Variants in SLC45A4 observed in about 807,000 individuals in gnomAD.
The protein encoded by SLC45A4 is solute carrier family 45 member 4.
A neutral mutation model predicts 63.7 loss-of-function variants in SLC45A4; 32 were observed. The observed-to-expected ratio is 0.50, with a 90% CI of 0.38 to 0.67. SLC45A4 has a LOEUF of 0.67. SLC45A4 is among the 30% of genes least tolerant of loss of function. The pLI, the probability that SLC45A4 is intolerant of heterozygous loss-of-function variation, is 0.00. For synonymous variants in SLC45A4, 535 were observed against 510.0 expected (o/e 1.05, Z -0.66); for missense variants, 1,027 against 1,157.7 (o/e 0.89, Z 1.64).
intron 2 of SLC45A4, chr8:141,252,682 CGTCTGTG>C (rs1828539673): frequency 9.8e-6 from 1 of 101,910 alleles, no homozygotes; most frequent in African/African-American, 4.1e-5. Context: ...CCCACCTGTG[CGTCTGTG>C]AATTTCCGTG....
Position 141,211,416 on chromosome 8 carries a change from G to A in SLC45A4, c.*156C>T. On this transcript the variant is annotated 3_prime_UTR_variant, in exon 9 of 9. Transcript: ENST00000517878. ...GTGGTGCCCAGCCCATCCCTGGGCA[G>A]GGTGTCTGGGAGCCACCCCTGCAAA... is the stretch of plus-strand genomic sequence containing the variant. The A allele has an allele frequency of 1.3e-6, 2 of 1,547,064 alleles. No homozygotes were observed. Among genetic ancestry groups the A allele is most frequent in the Non-Finnish European group, 1.7e-6 (2 of 1,148,630 alleles).
intron 1 of SLC45A4, among the ~76,000 whole-genome samples, chr8:141,294,133 A>G (rs13253346): frequency 0.95 from 145,041 of 152,142 alleles, 69,543 homozygotes; most frequent in Middle Eastern, 1. Context: ...GGATCTCTGT[A>G]GACCAGGGTC....
At chr8:141,239,609 C>A (rs1250190233) in intron 2 of SLC45A4, among the ~76,000 whole-genome samples, 1 of 152,212 alleles carries the variant, frequency 6.6e-6, no homozygotes, top group African/African-American at 2.4e-5. Context: ...CGCACGCACA[C>A]ACACAGCATC....
At chr8:141,297,670 G>A (rs1830608159) in intron 1 of SLC45A4, among the ~76,000 whole-genome samples, 1 of 152,248 alleles carries the variant, frequency 6.6e-6, no homozygotes, top group Non-Finnish European at 1.5e-5. Flanking sequence ...AGCCCGGCCA[G>A]TGGCCATGCC....
chr8:141,251,594 G>T (rs34547120), intron 2 of SLC45A4, among the ~76,000 whole-genome samples: 2 of 151,692 alleles, frequency 1.3e-5, no homozygotes, highest in East Asian at 3.9e-4. Context: ...AGCTGCGCCC[G>T]GTCTCCTACG....
chr8:141,303,893 T>C (rs1323179933), intron 1 of SLC45A4, among the ~76,000 whole-genome samples: 2 of 152,152 alleles, frequency 1.3e-5, no homozygotes, highest in Non-Finnish European at 2.9e-5. Flanking sequence ...GAGGGTGAGA[T>C]GGCCAAGCTC....
At chr8:141,275,125 G>C (rs981433717) in intron 1 of SLC45A4, among the ~76,000 whole-genome samples, 1 of 152,180 alleles carries the variant, frequency 6.6e-6, no homozygotes, top group East Asian at 1.9e-4. Flanking sequence ...CCTCCTCTAC[G>C]AGAGAGGAGT....
chr8:141,291,611 C>T (rs1032131545), intron 1 of SLC45A4, among the ~76,000 whole-genome samples: 3 of 152,182 alleles, frequency 2.0e-5, no homozygotes, highest in Non-Finnish European at 2.9e-5. Context: ...AACAGTCAAA[C>T]CACATTTTCT....
chr8:141,274,529 G>A (rs1036381363), intron 1 of SLC45A4, among the ~76,000 whole-genome samples: 18 of 131,680 alleles, frequency 1.4e-4, no homozygotes, highest in African/African-American at 2.5e-4. Flanking sequence ...AGAGAAACTC[G>A]GTCTCAAAAA....
At position 141,218,607 on chromosome 8, in the gene SLC45A4, G is replaced by C. The variant is rs138770433; in HGVS notation, c.1033C>G (p.Arg345Gly). The C allele has an allele frequency of 2.3e-4, 368 of 1,612,804 alleles. No homozygotes were observed. Among genetic ancestry groups the C allele is most frequent in the Non-Finnish European group, 2.9e-4 (338 of 1,179,576 alleles). Residue 345 changes from arginine to glycine, a missense_variant, in exon 5 of 9, where the codon CGC becomes GGC. Transcript: ENST00000517878. ...FHDASYPATP[R>G]STSQELAKTK... Reference sequence around the variant, plus strand: ...TTGGCGAGCTCCTGGCTGGTGCTGCGGGGGGTGGCGGGGTAGGAGGCGTCG... The same window carrying C: ...TTGGCGAGCTCCTGGCTGGTGCTGCCGGGGGTGGCGGGGTAGGAGGCGTCG...
intron 1 of SLC45A4, among the ~76,000 whole-genome samples, chr8:141,259,404 T>C (rs1005370102): frequency 1.3e-5 from 2 of 152,170 alleles, no homozygotes; most frequent in African/African-American, 2.4e-5. Flanking sequence ...GTGCTGCCCA[T>C]TGGTCGAGGG....
At chr8:141,255,326 G>A (rs1040591616) in intron 1 of SLC45A4, among the ~76,000 whole-genome samples, 1 of 152,130 alleles carries the variant, frequency 6.6e-6, no homozygotes, top group Non-Finnish European at 1.5e-5. Flanking sequence ...GATCTACCCT[G>A]CCTCGGCCTC....
chr8:141,291,767 T>C (rs962445213), intron 1 of SLC45A4, among the ~76,000 whole-genome samples: 6 of 152,216 alleles, frequency 3.9e-5, no homozygotes, highest in African/African-American at 4.8e-5. Context: ...GCCAGGGCAG[T>C]GTGAGCTTGT....
intron 1 of SLC45A4, among the ~76,000 whole-genome samples, chr8:141,255,827 G>A (rs994624426): frequency 1.3e-5 from 2 of 152,190 alleles, no homozygotes; most frequent in Non-Finnish European, 2.9e-5. Flanking sequence ...GGGGGAGTTC[G>A]AAGTCTACCC....
At chr8:141,267,674 A>T (rs1829331431) in intron 1 of SLC45A4, among the ~76,000 whole-genome samples, 1 of 152,174 alleles carries the variant, frequency 6.6e-6, no homozygotes, top group African/African-American at 2.4e-5. Context: ...AAGTCTGAAG[A>T]CACCTCACCA....
rs958977696 is a variant in SLC45A4 at position 141,308,114 on chromosome 8, G to C, written c.-419C>G. ...CACTCACCTGTCTCCTCCGGCCGGG[G>C]CCGCGGGGGCGGCGGGGCGGCCGGG... is the stretch of plus-strand genomic sequence containing the variant. On this transcript the variant is annotated 5_prime_UTR_variant, in exon 1 of 9. Coordinates refer to ENST00000517878, the MANE Select transcript of SLC45A4 (RefSeq NM_001286646.2). 2.6e-4 allele frequency: 38 copies of C among 148,260 alleles called. No homozygotes were observed. Among genetic ancestry groups the C allele is most frequent in the Non-Finnish European group, 3.0e-5 (2 of 66,270 alleles). 9.2% of individuals were successfully genotyped at this position (148,260 alleles called of 1,614,324 possible).
intron 1 of SLC45A4, among the ~76,000 whole-genome samples, chr8:141,307,540 A>AGAAGGGGAAGAAGG (rs750119976): frequency 9.3e-6 from 1 of 107,488 alleles, no homozygotes; most frequent in Non-Finnish European, 2.0e-5. Flanking sequence ...GGGAAGGGGA[A>AGAAGGGGAAGAAGG]GAAGGGGAAG....
rs142250892 is a variant in SLC45A4 at position 141,291,496 on chromosome 8, G to A, written c.-401+16600C>T. On this transcript the variant is annotated intron_variant, in intron 1 of 8. Transcript: ENST00000517878. ...AAAAGGGGGGGCAAATAGAAACAAA[G>A]GAAAATAGATTCTAAGTTTAGGAAA... 2.2e-4 allele frequency among the ~76,000 whole-genome samples: 33 copies of A among 152,304 alleles called. 1 individual carries two copies. In the East Asian group the frequency reaches 6.4e-3, roughly 29 times the overall value.
At chr8:141,221,035 G>A (rs1334450729) in intron 3 of SLC45A4, among the ~76,000 whole-genome samples, 4 of 152,250 alleles carry the variant, frequency 2.6e-5, no homozygotes, top group African/African-American at 7.2e-5. Context: ...AGCTCCCTCC[G>A]CATCAGTGCA....
Sources: allele counts gnomAD v4.1 joint callset (sites outside exome capture counted in the v4.1 genomes callset), GRCh38; gene constraint gnomAD v4.1.1; transcripts MANE v1.5; gene names NCBI Gene and HGNC (gene_info 2026-07-23, HGNC 2026-07-21).